The following FAM120A variants were observed in gnomAD, a reference collection of about 807,000 sequenced individuals.
FAM120A encodes the protein family with sequence similarity 120 member A, also known as constitutive coactivator of PPAR-gamma-like protein 1.
In FAM120A, 15 loss-of-function variants were observed where a neutral mutation model predicts 109.7. That is an observed-to-expected ratio of 0.14 (90% CI 0.09 to 0.21). The LOEUF is 0.21. Ranked by LOEUF, FAM120A falls within the 10% of genes least tolerant of loss-of-function variation. The pLI, the probability that FAM120A is intolerant of heterozygous loss-of-function variation, is 1.00. For missense variants in FAM120A, 899 were observed against 1,439.3 expected (o/e 0.62, Z 6.07); for synonymous variants, 493 against 572.8 (o/e 0.86, Z 1.99).
Position 93,452,816 on chromosome 9 carries a change from C to T in FAM120A, c.474+427C>T. On this transcript the variant is annotated intron_variant, in intron 1 of 17. Transcript: ENST00000277165. The surrounding 1 kb of genome is among the most constrained non-coding windows in gnomAD (Gnocchi z 7.0). ...GCAACAGGTTCATCTTGGAAGCAGG[C>T]AGGATACAGAGTAATAGAGGGGGTT... The T allele has an allele frequency of 6.3e-7, 1 of 1,577,150 alleles. No homozygotes were observed.
intron 10 of FAM120A, among the ~76,000 whole-genome samples, chr9:93,533,113 T>C (rs1286466291): frequency 1.3e-5 from 2 of 152,220 alleles, no homozygotes; most frequent in Non-Finnish European, 1.5e-5. Context: ...ACATACAGTC[T>C]GAGAATATTA....
chr9:93,552,349 A>G lies in FAM120A; in HGVS notation c.2274+1658A>G, dbSNP rs1169040745. On this transcript the variant is annotated intron_variant, in intron 12 of 17. Coordinates refer to ENST00000277165, the MANE Select transcript of FAM120A (RefSeq NM_014612.5). The stretch of plus-strand genomic sequence containing the variant: ...ATGGTTTTCTCCTGGTTCTTCATCT[A>G]AAGCCAGACATTTGTAGAGATATGC... Among the ~76,000 whole-genome samples the G allele has an allele frequency of 2.0e-5, 3 of 152,318 alleles. No homozygotes were observed. In the East Asian group the frequency reaches 5.8e-4, roughly 29 times the overall value.
chr9:93,489,464 C>T lies in FAM120A; in HGVS notation c.805-8007C>T, dbSNP rs147278474. ...TTTGTAAAGAGATCCTGTCACTGCACGATGGAGCCCAGGTTCCAGTAGGAC... is the reference window on the plus strand; with the variant it reads ...TTTGTAAAGAGATCCTGTCACTGCATGATGGAGCCCAGGTTCCAGTAGGAC... On this transcript the variant is annotated intron_variant, in intron 3 of 17. Coordinates refer to ENST00000277165, the MANE Select transcript of FAM120A (RefSeq NM_014612.5). Among the ~76,000 whole-genome samples the T allele has an allele frequency of 5.7e-3, 868 of 152,316 alleles. 8 individuals are homozygous for T. The highest frequency in any genetic ancestry group is 9.3e-3 in the Non-Finnish European group (630 of 68,026).
In FAM120A at chr9:93,452,222, G is replaced by T. The variant is rs758391422; in HGVS notation, c.307G>T (p.Ala103Ser). 3.7e-6 allele frequency: 6 copies of T among 1,611,356 alleles called. No homozygotes were observed. Among genetic ancestry groups the T allele is most frequent in the South Asian group, 1.1e-5 (1 of 90,870 alleles). The part of the protein sequence containing the change: ...FVFFNGALEK[A>S]RLHEWVKRQG... ...CTTCTTCAACGGCGCGCTCGAGAAG[G>T]CCCGGCTGCACGAGTGGGTCAAGCG... The change falls in exon 1 of 18, where the codon GCC becomes TCC. Residue 103 changes from alanine to serine, a missense_variant. Physicochemically the swap from Ala to Ser is moderately conservative, Grantham distance 99 (BLOSUM62 1). This residue lies in a region of FAM120A where 258 missense variants were observed against 451.4 expected (regional missense o/e 0.57). Coordinates refer to ENST00000277165, the MANE Select transcript of FAM120A (RefSeq NM_014612.5). The surrounding 1 kb of genome is among the most constrained non-coding windows in gnomAD (Gnocchi z 7.0).
intron 3 of FAM120A, among the ~76,000 whole-genome samples, chr9:93,485,583 G>A (rs1350053278): frequency 6.6e-6 from 1 of 152,094 alleles, no homozygotes; most frequent in Non-Finnish European, 1.5e-5. Context: ...GTGCGACAGA[G>A]TAAGACCCTA....
At chr9:93,524,066 A>C (rs56122111) in intron 7 of FAM120A, among the ~76,000 whole-genome samples, 4,328 of 152,342 alleles carry the variant, frequency 0.028, 91 homozygotes, top group East Asian at 0.07. Flanking sequence ...TTGTTACACT[A>C]TCAGAGACCC....
At chr9:93,540,196 G>C (rs563991812) in intron 10 of FAM120A, among the ~76,000 whole-genome samples, 2 of 152,250 alleles carry the variant, frequency 1.3e-5, no homozygotes, top group African/African-American at 2.4e-5. Flanking sequence ...TCTTATCCCA[G>C]CCCTACCTGG....
Position 93,532,677 on chromosome 9 carries a change from G to A in FAM120A, c.1909+348G>A, listed in dbSNP as rs574725292. The A allele has an allele frequency of 1.9e-4, 56 of 296,742 alleles. 1 individual carries two copies. Among genetic ancestry groups the A allele is most frequent in the South Asian group, 1.7e-3 (53 of 31,326 alleles). 18.4% of individuals were successfully genotyped at this position (296,742 alleles called of 1,614,324 possible). On this transcript the variant is annotated intron_variant, in intron 10 of 17. Coordinates refer to ENST00000277165, the MANE Select transcript of FAM120A (RefSeq NM_014612.5). This position sits in a 1 kb window ranked among gnomAD's most constrained non-coding sequence, Gnocchi z 4.3. ...AGGACGAGTGAGTTTCTGTGCTCTG[G>A]TTTTCATGAAGCACAGATCTGCTCT...
At chr9:93,475,972 T>A (rs894700891) in intron 2 of FAM120A, among the ~76,000 whole-genome samples, 3 of 152,172 alleles carry the variant, frequency 2.0e-5, no homozygotes, top group African/African-American at 7.2e-5. Flanking sequence ...AGACTGACCT[T>A]TTGCAAACTG....
intron 1 of FAM120A, among the ~76,000 whole-genome samples, chr9:93,466,295 C>A (rs986260821): frequency 6.6e-6 from 1 of 152,138 alleles, no homozygotes; most frequent in Non-Finnish European, 1.5e-5. Context: ...TTATTTATAT[C>A]ATTATGGGCT....
At chr9:93,545,724 C>G (rs758393856) in intron 11 of FAM120A, among the ~76,000 whole-genome samples, 2 of 148,590 alleles carry the variant, frequency 1.3e-5, no homozygotes, top group Non-Finnish European at 3.0e-5. Context: ...TGACTTAAAT[C>G]ACAGTGTGTC....
intron 10 of FAM120A, among the ~76,000 whole-genome samples, chr9:93,538,408 C>T (rs1861593295): frequency 1.3e-5 from 2 of 152,146 alleles, no homozygotes; most frequent in Non-Finnish European, 2.9e-5. Flanking sequence ...TCGTTGTATC[C>T]ATTTTTCTGT....
At chr9:93,454,145 T>A (rs547413427) in intron 1 of FAM120A, among the ~76,000 whole-genome samples, 2 of 152,316 alleles carry the variant, frequency 1.3e-5, no homozygotes, top group Admixed American at 1.3e-4. Flanking sequence ...AGATTTAAGC[T>A]CCATTTAAGA....
At chr9:93,530,001 A>G (rs1861266788) in intron 9 of FAM120A, 1 of 342,180 alleles carries the variant, frequency 2.9e-6, no homozygotes, top group Non-Finnish European at 5.4e-6. Context: ...CCCCCTTTGA[A>G]TGGCTCATAG....
intron 5 of FAM120A, among the ~76,000 whole-genome samples, chr9:93,505,649 G>A (rs1456358144): frequency 1.3e-5 from 2 of 152,208 alleles, no homozygotes; most frequent in Non-Finnish European, 2.9e-5. Context: ...GCAAAGAAGG[G>A]TGGAAGTGCA....
At chr9:93,466,942 T>G (rs1430563459) in intron 1 of FAM120A, among the ~76,000 whole-genome samples, 1 of 152,158 alleles carries the variant, frequency 6.6e-6, no homozygotes, top group Non-Finnish European at 1.5e-5. Context: ...CTTACACAAG[T>G]CGAGTGCACT....
intron 11 of FAM120A, among the ~76,000 whole-genome samples, chr9:93,546,645 C>T (rs1473357165): frequency 3.3e-5 from 5 of 152,178 alleles, no homozygotes; most frequent in Non-Finnish European, 5.9e-5. Context: ...GGCCTGGCAG[C>T]GGAGTGCTGG....
At chr9:93,489,633 G>A (rs1859226439) in intron 3 of FAM120A, among the ~76,000 whole-genome samples, 1 of 152,174 alleles carries the variant, frequency 6.6e-6, no homozygotes, top group African/African-American at 2.4e-5. Flanking sequence ...TGGAGTGATG[G>A]TCACACTTAG....
At chr9:93,464,043 G>C (rs979110729) in intron 1 of FAM120A, among the ~76,000 whole-genome samples, 1 of 152,206 alleles carries the variant, frequency 6.6e-6, no homozygotes, top group Non-Finnish European at 1.5e-5. Context: ...AGTACAGAAA[G>C]TATTAAAGTA....
Sources: allele counts gnomAD v4.1 joint callset (sites outside exome capture counted in the v4.1 genomes callset), GRCh38; gene constraint gnomAD v4.1.1; regional missense constraint gnomAD v4.1.1; non-coding constraint Gnocchi (gnomAD v3.1); transcripts MANE v1.5; gene names NCBI Gene and HGNC (gene_info 2026-07-23, HGNC 2026-07-21).